Variants in PCDH9 observed in about 807,000 individuals in gnomAD.
The protein encoded by PCDH9 is protocadherin-9.
Under a neutral mutation model 70.6 loss-of-function variants are expected in PCDH9, and 24 were observed. The ratio of observed to expected loss-of-function variants is 0.34; its 90% confidence interval spans 0.25 to 0.48. PCDH9 has a LOEUF of 0.48. Among genes scored for constraint, PCDH9 ranks in the 20% least tolerant of loss-of-function variants. PCDH9 has a pLI of 0.99. For missense variants in PCDH9, 1,281 were observed against 1,503.6 expected (o/e 0.85, Z 2.45); for synonymous variants, 562 against 558.5 (o/e 1.01, Z -0.09).
intron 4 of PCDH9, among the ~76,000 whole-genome samples, chr13:66,503,702 A>T (rs1959189117): frequency 6.6e-6 from 1 of 152,180 alleles, no homozygotes; most frequent in African/African-American, 2.4e-5. Flanking sequence ...ATATAAGTGA[A>T]AGCGCTTTGC....
chr13:67,055,475 GAATT>G (rs2085400244), intron 2 of PCDH9, among the ~76,000 whole-genome samples: 1 of 152,124 alleles, frequency 6.6e-6, no homozygotes, highest in Admixed American at 6.6e-5. Flanking sequence ...GATTCAAATA[GAATT>G]ATGTATCCTA....
rs138129167 is a variant in PCDH9 at position 66,825,652 on chromosome 13, G to A, written c.3138+77852C>T. 3.7e-4 allele frequency among the ~76,000 whole-genome samples: 57 copies of A among 152,250 alleles called. 2 individuals carry two copies. The East Asian group carries it at 0.011, about 28-fold the overall frequency. Reference sequence around the variant, plus strand: ...GCCCGGCCAAAAACTTTTAAAAACTGTAATACAAGTTTGTGAGATTATCTG... The same window carrying A: ...GCCCGGCCAAAAACTTTTAAAAACTATAATACAAGTTTGTGAGATTATCTG... On this transcript the variant is annotated intron_variant, in intron 3 of 4. Coordinates refer to ENST00000377865, the MANE Select transcript of PCDH9 (RefSeq NM_203487.3).
chr13:66,329,086 T>C (rs1270638248), intron 4 of PCDH9, among the ~76,000 whole-genome samples: 1 of 152,206 alleles, frequency 6.6e-6, no homozygotes, highest in South Asian at 2.1e-4. Context: ...ATGTTAACTA[T>C]AGGAATTTAG....
chr13:66,309,716 G>A (rs1035612309), intron 4 of PCDH9, among the ~76,000 whole-genome samples: 1 of 151,464 alleles, frequency 6.6e-6, no homozygotes, highest in African/African-American at 2.4e-5. Context: ...CATTCATACA[G>A]TCTCTCAAAT....
rs2089903618 is a variant in PCDH9 at position 67,227,387 on chromosome 13, T to C, written c.1054A>G (p.Asn352Asp). The change falls in exon 2 of 5, where the codon AAT becomes GAT. Residue 352 changes from asparagine (N) to aspartate (D), a missense_variant. Coordinates refer to ENST00000377865, the MANE Select transcript of PCDH9 (RefSeq NM_203487.3). This position sits in a 1 kb window ranked among gnomAD's most constrained non-coding sequence, Gnocchi z 4.6. ...AGGTCTATATTAGGAGGGTTATCAT[T>C]TACATCGGTGACATTGATGGTAACC... ...ATVTINVTDV[N>D]DNPPNIDLRY... is the part of the protein sequence containing the mutation. The C allele has an allele frequency of 6.2e-7, 1 of 1,613,702 alleles. No individual in the cohort carries two copies. Among genetic ancestry groups the C allele is most frequent in the Non-Finnish European group, 8.5e-7 (1 of 1,179,712 alleles).
intron 2 of PCDH9, among the ~76,000 whole-genome samples, chr13:67,146,366 T>A (rs1465792947): frequency 2.6e-5 from 4 of 152,172 alleles, no homozygotes; most frequent in Admixed American, 2.6e-4. Flanking sequence ...GAAAATGTGA[T>A]GATTTGTACA....
rs149792912 is a variant in PCDH9 at position 67,091,269 on chromosome 13, T to A, written c.3036+134136A>T. On this transcript the variant is annotated intron_variant, in intron 2 of 4. Transcript: ENST00000377865. ...GACTTTAAAATATTATAAATGTACA[T>A]AAAAGAGAAATTCAAAATAAAATCT... Among the ~76,000 whole-genome samples, 3 of 152,226 alleles carry A rather than the reference T, an allele frequency of 2.0e-5. No homozygotes were observed. The East Asian group carries it at 5.8e-4, about 29-fold the overall frequency.
At chr13:67,110,045 C>T (rs1054261190) in intron 2 of PCDH9, among the ~76,000 whole-genome samples, 5 of 151,844 alleles carry the variant, frequency 3.3e-5, no homozygotes, top group South Asian at 2.1e-4. Flanking sequence ...ATAATTTGGT[C>T]GCGGAGGCTT....
chr13:66,488,037 A>G (rs1958974192), intron 4 of PCDH9, among the ~76,000 whole-genome samples: 1 of 152,164 alleles, frequency 6.6e-6, no homozygotes, highest in South Asian at 2.1e-4. Context: ...CGAACCATAC[A>G]CAGCATCCAA....
chr13:66,662,399 G>A (rs1002285593), intron 3 of PCDH9, among the ~76,000 whole-genome samples: 2 of 151,964 alleles, frequency 1.3e-5, no homozygotes, highest in African/African-American at 4.8e-5. Flanking sequence ...TTTGAACTTG[G>A]GAGGCAGAGG....
chr13:67,004,140 C>CT (rs71802070), intron 2 of PCDH9, among the ~76,000 whole-genome samples: 1,940 of 148,494 alleles, frequency 0.013, 17 homozygotes, highest in Non-Finnish European at 0.024. Context: ...TAAAAATTAA[C>CT]TTTTTTTTTT....
chr13:66,701,995 A>G (rs529078788), intron 3 of PCDH9, among the ~76,000 whole-genome samples: 1 of 152,306 alleles, frequency 6.6e-6, no homozygotes, highest in Admixed American at 6.5e-5. Flanking sequence ...CCCAGATCTT[A>G]TTGTGAAGAA....
intron 4 of PCDH9, among the ~76,000 whole-genome samples, chr13:66,450,510 A>G (rs981864469): frequency 6.6e-6 from 1 of 152,308 alleles, no homozygotes; most frequent in East Asian, 1.9e-4. Flanking sequence ...ACATAGAAGG[A>G]TCTATACTAT....
intron 2 of PCDH9, among the ~76,000 whole-genome samples, chr13:67,155,159 A>T (rs1384723567): frequency 1.3e-5 from 2 of 152,178 alleles, no homozygotes; most frequent in Admixed American, 1.3e-4. Context: ...TTTTAAACTT[A>T]TATCAGTTAT....
In PCDH9 at chr13:66,837,366, A is replaced by G. The variant is rs575982601; in HGVS notation, c.3138+66138T>C. ...AAGGTACTGTTAGTGGCTTCGTTTT[A>G]CAGTGGGGAAAAGTGAGGAATGAAG... On this transcript the variant is annotated intron_variant, in intron 3 of 4. Coordinates refer to ENST00000377865, the MANE Select transcript of PCDH9 (RefSeq NM_203487.3). 1.1e-4 allele frequency among the ~76,000 whole-genome samples: 17 copies of G among 152,226 alleles called. No individual in the cohort carries two copies. In the East Asian group the frequency reaches 3.3e-3, roughly 29 times the overall value.
At chr13:66,770,871 CT>C (rs1426943327) in intron 3 of PCDH9, among the ~76,000 whole-genome samples, 3 of 152,188 alleles carry the variant, frequency 2.0e-5, no homozygotes, top group African/African-American at 7.2e-5. Flanking sequence ...AATATGGTCA[CT>C]GATAACTCCT....
intron 2 of PCDH9, among the ~76,000 whole-genome samples, chr13:66,909,544 C>T (rs376562582): frequency 0.012 from 1,796 of 152,114 alleles, 42 homozygotes; most frequent in African/African-American, 0.04. Flanking sequence ...CCCAGGCAGG[C>T]GGATCACGAG....
intron 4 of PCDH9, among the ~76,000 whole-genome samples, chr13:66,425,545 T>A (rs551504597): frequency 6.6e-6 from 1 of 150,456 alleles, no homozygotes; most frequent in Non-Finnish European, 1.5e-5. Context: ...GAAGTTATCC[T>A]ACTTTCAGAA....
intron 4 of PCDH9, among the ~76,000 whole-genome samples, chr13:66,311,598 T>A (rs1199350786): frequency 6.6e-6 from 1 of 152,100 alleles, no homozygotes; most frequent in Non-Finnish European, 1.5e-5. Flanking sequence ...ATCCATTAAT[T>A]TGCCTCAAAT....
Sources: allele counts gnomAD v4.1 joint callset (sites outside exome capture counted in the v4.1 genomes callset), GRCh38; gene constraint gnomAD v4.1.1; non-coding constraint Gnocchi (gnomAD v3.1); transcripts MANE v1.5; gene names NCBI Gene and HGNC (gene_info 2026-07-23, HGNC 2026-07-21).